The following SBF2 variants were observed in gnomAD, a reference collection of about 807,000 sequenced individuals.
SBF2 encodes the protein myotubularin-related protein 13.
Under a neutral mutation model 225.2 loss-of-function variants are expected in SBF2, and 112 were observed. The ratio of observed to expected loss-of-function variants is 0.50; its 90% confidence interval spans 0.43 to 0.58. SBF2 has a LOEUF of 0.58. Ranked by LOEUF, SBF2 falls within the 20% of genes least tolerant of loss-of-function variation. The probability of loss-of-function intolerance (pLI) is 0.00; values close to 1 mark genes in which losing one functional copy is unlikely to be tolerated. For missense variants in SBF2, 1,996 were observed against 2,206.2 expected (o/e 0.90, Z 1.91); for synonymous variants, 763 against 773.3 (o/e 0.99, Z 0.22).
At chr11:10,145,344 G>C (rs538510798) in intron 2 of SBF2, among the ~76,000 whole-genome samples, 1 of 152,164 alleles carries the variant, frequency 6.6e-6, no homozygotes, top group South Asian at 2.1e-4. Context: ...AGGGATCTAA[G>C]TGCAAGTATT....
At position 10,117,440 on chromosome 11, in the gene SBF2, C is replaced by CAAG. The variant is rs755890336; in HGVS notation, c.142-74460_142-74459insCTT. Reference sequence around the variant, plus strand: ...TGGGCGACAGAGTGAGAATCCAACTCAAAAAAAAAAAAAAAAAAAAAGATA... The same window carrying CAAG: ...TGGGCGACAGAGTGAGAATCCAACTCAAGAAAAAAAAAAAAAAAAAAAAAGATA... On this transcript the variant is annotated intron_variant, in intron 2 of 39. Transcript: ENST00000256190. 1.5e-3 allele frequency among the ~76,000 whole-genome samples: 62 copies of CAAG among 40,926 alleles called. 3 individuals are homozygous for CAAG. Among genetic ancestry groups the CAAG allele is most frequent in the Admixed American group, 3.5e-3 (17 of 4,884 alleles). 26.8% of individuals were successfully genotyped at this position (40,926 alleles called of 152,430 possible).
At chr11:10,285,565 T>C (rs1038252189) in intron 1 of SBF2, among the ~76,000 whole-genome samples, 1 of 152,190 alleles carries the variant, frequency 6.6e-6, no homozygotes, top group Non-Finnish European at 1.5e-5. Flanking sequence ...TTTATTTGCA[T>C]AGGGTGTACA....
At chr11:10,203,448 C>T (rs555259185) in intron 1 of SBF2, among the ~76,000 whole-genome samples, 10 of 152,114 alleles carry the variant, frequency 6.6e-5, no homozygotes, top group Non-Finnish European at 8.8e-5. Context: ...AGCTGGGAAA[C>T]GAGCCTCAAA....
intron 3 of SBF2, among the ~76,000 whole-genome samples, chr11:10,035,685 A>T (rs748134476): frequency 1.3e-5 from 2 of 152,258 alleles, no homozygotes; most frequent in Non-Finnish European, 2.9e-5. Flanking sequence ...ACTGGTCATC[A>T]GAGAAATGCA....
At chr11:9,790,108 G>A (rs1852647319) in intron 34 of SBF2, among the ~76,000 whole-genome samples, 1 of 152,234 alleles carries the variant, frequency 6.6e-6, no homozygotes. Flanking sequence ...GCATGGTGGG[G>A]CAGTTGCCCC....
At chr11:10,036,780 T>C (rs1468938430) in intron 3 of SBF2, among the ~76,000 whole-genome samples, 1 of 152,192 alleles carries the variant, frequency 6.6e-6, no homozygotes, top group Non-Finnish European at 1.5e-5. Flanking sequence ...AAATAAGCTG[T>C]TTAGGAAAGA....
chr11:9,939,600 C>A (rs1386800044), intron 16 of SBF2, among the ~76,000 whole-genome samples: 4 of 152,260 alleles, frequency 2.6e-5, no homozygotes, highest in East Asian at 1.9e-4. Context: ...ACTTTTACCA[C>A]CTTTTTTGCC....
intron 1 of SBF2, among the ~76,000 whole-genome samples, chr11:10,229,563 G>A (rs776928185): frequency 6.6e-6 from 1 of 151,878 alleles, no homozygotes; most frequent in African/African-American, 2.4e-5. Flanking sequence ...CCTTCATTTC[G>A]TTACGTACCC....
At chr11:10,091,581 T>C (rs998032140) in intron 2 of SBF2, among the ~76,000 whole-genome samples, 1 of 152,190 alleles carries the variant, frequency 6.6e-6, no homozygotes, top group African/African-American at 2.4e-5. Flanking sequence ...CCTGCATACA[T>C]AATAAAGCAA....
At chr11:9,944,083 T>C (rs188157473) in intron 16 of SBF2, among the ~76,000 whole-genome samples, 24 of 152,344 alleles carry the variant, frequency 1.6e-4, no homozygotes, top group African/African-American at 5.8e-4. Context: ...AAGCTGCTGC[T>C]CAATGAATAC....
intron 28 of SBF2, 61 bp from the exon 29 acceptor site, chr11:9,817,085 GA>G: frequency 3.2e-6 from 5 of 1,571,042 alleles, no homozygotes; most frequent in Non-Finnish European, 3.5e-6. Flanking sequence ...ACTAACTAAG[GA>G]AAAAGGTGCA....
At chr11:10,254,900 C>CAAAAAAAAAAAAAAAAAAAAAAAAAA (rs71034757) in intron 1 of SBF2, among the ~76,000 whole-genome samples, 2 of 44,056 alleles carry the variant, frequency 4.5e-5, no homozygotes, top group Non-Finnish European at 7.6e-5. Flanking sequence ...GACTCTGTCT[C>CAAAAAAAAAAAAAAAAAAAAAAAAAA]AAAAAAAAAA....
At chr11:10,037,605 A>AT (rs1949491475) in intron 3 of SBF2, among the ~76,000 whole-genome samples, 1 of 151,850 alleles carries the variant, frequency 6.6e-6, no homozygotes, top group Non-Finnish European at 1.5e-5. Flanking sequence ...AAACCTACCT[A>AT]TATGGTCAAC....
intron 1 of SBF2, among the ~76,000 whole-genome samples, chr11:10,244,905 G>T (rs527704305): frequency 1.3e-5 from 2 of 152,066 alleles, no homozygotes; most frequent in Admixed American, 6.5e-5. Flanking sequence ...GGAGGCCAAG[G>T]GGGGTGGATC....
chr11:9,913,979 G>C (rs1211917311), intron 16 of SBF2, among the ~76,000 whole-genome samples: 1 of 152,166 alleles, frequency 6.6e-6, no homozygotes, highest in Non-Finnish European at 1.5e-5. Context: ...TGCGATTACA[G>C]GCATTATGAG....
At chr11:9,807,763 CT>C (rs1853932703) in intron 32 of SBF2, 1 of 567,188 alleles carries the variant, frequency 1.8e-6, no homozygotes, top group East Asian at 3.0e-5. Flanking sequence ...AGAGTGCTGG[CT>C]ACTTCACTTG....
intron 2 of SBF2, among the ~76,000 whole-genome samples, chr11:10,102,524 C>A (rs190082602): frequency 2.6e-5 from 4 of 152,102 alleles, no homozygotes; most frequent in African/African-American, 9.7e-5. Context: ...ATATGGTTTT[C>A]GTGAAAGACA....
chr11:9,976,613 T>C (rs1164119281), intron 13 of SBF2, among the ~76,000 whole-genome samples: 1 of 151,734 alleles, frequency 6.6e-6, no homozygotes, highest in Non-Finnish European at 1.5e-5. Context: ...ACCTCCAAAA[T>C]AAAAAGCAAA....
At chr11:10,200,649 A>G (rs1405620537) in intron 1 of SBF2, among the ~76,000 whole-genome samples, 1 of 152,072 alleles carries the variant, frequency 6.6e-6, no homozygotes, top group African/African-American at 2.4e-5. Flanking sequence ...TTTGGATCCT[A>G]TGTCAGTTAC....
Sources: allele counts gnomAD v4.1 joint callset (sites outside exome capture counted in the v4.1 genomes callset), GRCh38; gene constraint gnomAD v4.1.1; transcripts MANE v1.5; gene names NCBI Gene and HGNC (gene_info 2026-07-23, HGNC 2026-07-21).